Variants in B4GALT7 observed in about 807,000 individuals in gnomAD.
B4GALT7 encodes UDP-Gal:beta-GlcNAc beta-1,4-galactosyltransferase 7.
B4GALT7 carries 30 observed loss-of-function variants against 33.0 expected under a neutral mutation model. That is an observed-to-expected ratio of 0.91 (90% CI 0.68 to 1.23). B4GALT7 has a LOEUF of 1.23. Ranked by LOEUF, B4GALT7 falls within the 50% of genes most tolerant of loss-of-function variation. The pLI is 0.00. For synonymous variants in B4GALT7, 213 were observed against 187.2 expected, an observed-to-expected ratio of 1.14 and a Z score of -1.13; for missense variants, 507 against 450.8, an observed-to-expected ratio of 1.12 and a Z score of -1.13.
At position 177,606,879 on chromosome 5, in the gene B4GALT7, C is replaced by T; in HGVS notation, c.414-423C>T. The stretch of plus-strand genomic sequence containing the variant: ...CCCACTGCCCTGTGGGTCATCTCTT[C>T]AGGCCTTCAGGTTTCTGTCACTCAG... On this transcript the variant is annotated intron_variant, in intron 2 of 5. Coordinates refer to ENST00000029410, the MANE Select transcript of B4GALT7 (RefSeq NM_007255.3). This position sits in a 1 kb window ranked among gnomAD's most constrained non-coding sequence, Gnocchi z 4.2. The T allele has an allele frequency of 2.9e-6, 1 of 349,788 alleles. No homozygotes were observed. The highest frequency in any genetic ancestry group is 5.6e-6 in the Non-Finnish European group (1 of 177,588). The allele number at this position is 349,788 out of a possible 1,614,324, so 21.7% of individuals were successfully genotyped here. A position where few individuals can be genotyped will look rare whatever the true frequency, so the allele number is the denominator to read the frequency against.
At chr5:177,605,471 G>C (rs1472600888) in intron 2 of B4GALT7, among the ~76,000 whole-genome samples, 2 of 152,144 alleles carry the variant, frequency 1.3e-5, no homozygotes, top group Non-Finnish European at 2.9e-5. Flanking sequence ...TTCATCCCTC[G>C]TCCTCACTCA....
rs1768030718 is a variant in B4GALT7 at position 177,606,907 on chromosome 5, C to T, written c.414-395C>T. 8 of 360,416 alleles carry T rather than the reference C, an allele frequency of 2.2e-5. No homozygotes were observed. The highest frequency in any genetic ancestry group is 1.7e-4 in the South Asian group (8 of 45,938). 22.3% of individuals were successfully genotyped at this position (360,416 alleles called of 1,614,324 possible). A position where few individuals can be genotyped will look rare whatever the true frequency, so the allele number is the denominator to read the frequency against. On this transcript the variant is annotated intron_variant, in intron 2 of 5. Transcript: ENST00000029410. The surrounding 1 kb of genome is among the most constrained non-coding windows in gnomAD (Gnocchi z 4.2). The stretch of plus-strand genomic sequence containing the variant: ...GCCTTCAGGTTTCTGTCACTCAGTT[C>T]CCCTGGCCCTCCCTGACGGCCCCAC...
At position 177,610,057 on chromosome 5, in the gene B4GALT7, C is replaced by A; in HGVS notation, c.*362C>A. 1 of 343,688 alleles carries A rather than the reference C, an allele frequency of 2.9e-6. No homozygotes were observed. Among genetic ancestry groups the A allele is most frequent in the Non-Finnish European group, 5.7e-6 (1 of 175,364 alleles). The allele number at this position is 343,688 out of a possible 1,614,324, so 21.3% of individuals were successfully genotyped here. A position where few individuals can be genotyped will look rare whatever the true frequency, so the allele number is the denominator to read the frequency against. On this transcript the variant is annotated 3_prime_UTR_variant, in exon 6 of 6. Coordinates refer to ENST00000029410, the MANE Select transcript of B4GALT7 (RefSeq NM_007255.3). ...TCACCCCCACTTTTGTTCCTTCCTG[C>A]TGGGCTGCCTCGTGCAGAGACACAG...
chr5:177,607,763 G>C, intron 3 of B4GALT7: 1 of 581,044 alleles, frequency 1.7e-6, no homozygotes, highest in South Asian at 2.0e-5. Flanking sequence ...TAACACTGAA[G>C]AGTGTAGGGG....
At position 177,604,302 on chromosome 5, in the gene B4GALT7, C is replaced by G. The variant is rs2127511511; in HGVS notation, c.174C>G (p.Ala58=). ...AGCTCAGCTGCTCTGGGGACGTGGCCCGGGCAGTCAGGGGACAAGGGCAGG... is the reference window on the plus strand; with the variant it reads ...AGCTCAGCTGCTCTGGGGACGTGGCGCGGGCAGTCAGGGGACAAGGGCAGG... ...WLQLSCSGDV[A]RAVRGQGQET... The change falls in exon 2 of 6, where the codon GCC becomes GCG. Residue 58 remains alanine, a synonymous_variant. Transcript: ENST00000029410. 3.7e-6 allele frequency: 6 copies of G among 1,611,586 alleles called. No individual in the cohort carries two copies. Among genetic ancestry groups the G allele is most frequent in the Non-Finnish European group, 5.1e-6 (6 of 1,178,890 alleles).
rs1330800690 is a variant in B4GALT7, at chr5:177,609,131, AG to A, written c.828+119del. 6 of 968,244 alleles carry A rather than the reference AG, an allele frequency of 6.2e-6. No individual in the cohort carries two copies. In the African/African-American group the frequency reaches 6.5e-5, roughly 10 times the overall value. The allele number at this position is 968,244 out of a possible 1,614,324, so 60.0% of individuals were successfully genotyped here. A position where few individuals can be genotyped will look rare whatever the true frequency, so the allele number is the denominator to read the frequency against. ...GGTCCCATCCTCCCCTGCTTGGCCC[AG>A]GTCAGTCGACGGGCATTCTGCTTGG... On this transcript the variant is annotated intron_variant, in intron 5 of 5. Coordinates refer to ENST00000029410, the MANE Select transcript of B4GALT7 (RefSeq NM_007255.3).
intron 2 of B4GALT7, 84 bp from the exon 3 acceptor site, chr5:177,607,218 A>G (rs1442348462): frequency 1.6e-6 from 2 of 1,236,978 alleles, no homozygotes; most frequent in Non-Finnish European, 2.3e-6. Flanking sequence ...CAGCATAGGC[A>G]CCATGGGGAC....
rs769848807 is a variant in B4GALT7 at position 177,604,371 on chromosome 5, T to C, written c.243T>C (p.Pro81=). 6.2e-7 allele frequency: 1 copy of C among 1,612,802 alleles called. No homozygotes were observed. The highest frequency in any genetic ancestry group is 8.5e-7 in the Non-Finnish European group (1 of 1,179,366). Residue 81 remains proline (P), a synonymous_variant, in exon 2 of 6, where the codon CCT becomes CCC. Coordinates refer to ENST00000029410, the MANE Select transcript of B4GALT7 (RefSeq NM_007255.3). Reference sequence around the variant, plus strand: ...GTGCCTGCCCCCCAGAGCCGCCCCCTGAGCACTGGGAAGAAGACGCATCCT... The same window carrying C: ...GTGCCTGCCCCCCAGAGCCGCCCCCCGAGCACTGGGAAGAAGACGCATCCT... ...PPRACPPEPP[P]EHWEEDASWG...
At chr5:177,602,964 C>T (rs1444770250) in intron 1 of B4GALT7, 1 of 530,712 alleles carries the variant, frequency 1.9e-6, no homozygotes, top group Non-Finnish European at 2.4e-6. Flanking sequence ...CTCACTGCAA[C>T]CTCCGCCTCC....
chr5:177,608,497 C>A lies in B4GALT7; in HGVS notation c.640-42C>A, dbSNP rs372307412. The stretch of plus-strand genomic sequence containing the variant: ...GGTAGGAGACCAAAGGCCCCCCCCC[C>A]CGGGAAGATGGGCCGAGTGACGCTG... On this transcript the variant is annotated intron_variant, in intron 3 of 5. Transcript: ENST00000029410. The surrounding 1 kb of genome is among the most constrained non-coding windows in gnomAD (Gnocchi z 4.1). 1.3e-4 allele frequency: 207 copies of A among 1,567,392 alleles called. No individual in the cohort carries two copies. The highest frequency in any genetic ancestry group is 1.3e-3 in the East Asian group (57 of 44,128).
In B4GALT7 at chr5:177,600,333, G is replaced by A; in HGVS notation, c.50+73G>A. 8.4e-7 allele frequency: 1 copy of A among 1,187,154 alleles called. No homozygotes were observed. The highest frequency in any genetic ancestry group is 1.1e-6 in the Non-Finnish European group (1 of 936,054). 73.5% of individuals were successfully genotyped at this position (1,187,154 alleles called of 1,614,324 possible). A position where few individuals can be genotyped will look rare whatever the true frequency, so the allele number is the denominator to read the frequency against. On this transcript the variant is annotated intron_variant, in intron 1 of 5. Transcript: ENST00000029410. This position sits in a 1 kb window ranked among gnomAD's most constrained non-coding sequence, Gnocchi z 4.4. The stretch of plus-strand genomic sequence containing the variant: ...CCTTCTCGGCCGCCGGCGGAATCTG[G>A]GAACCCGAGGCCATCACGTCTCCAT...
At chr5:177,601,694 T>C (rs376248377) in intron 1 of B4GALT7, among the ~76,000 whole-genome samples, 1 of 152,218 alleles carries the variant, frequency 6.6e-6, no homozygotes, top group East Asian at 1.9e-4. Flanking sequence ...TTTACTAGTC[T>C]TGGGCAGTGA....
At chr5:177,603,764 G>C (rs75412941) in intron 1 of B4GALT7, among the ~76,000 whole-genome samples, 1 of 152,240 alleles carries the variant, frequency 6.6e-6, no homozygotes, top group African/African-American at 2.4e-5. Context: ...GAAAGCAGTG[G>C]GTTGCATCTC....
intron 3 of B4GALT7, 32 bp downstream of exon 3, chr5:177,607,559 C>A (rs1271185042): frequency 6.3e-7 from 1 of 1,589,372 alleles, no homozygotes. Context: ...CTGCTCAGAG[C>A]CGGGAGCTCC....
Position 177,609,851 on chromosome 5 carries a change from C to T in B4GALT7, c.*156C>T. 9.7e-7 allele frequency: 1 copy of T among 1,035,410 alleles called. No homozygotes were observed. The highest frequency in any genetic ancestry group is 1.4e-6 in the Non-Finnish European group (1 of 706,332). The allele number at this position is 1,035,410 out of a possible 1,614,324, so 64.1% of individuals were successfully genotyped here. ...GCAGCCACCCGGCCGCCAAGGCAGG[C>T]TTGGGCTGGGCCAGGACACGTGGGG... On this transcript the variant is annotated 3_prime_UTR_variant, in exon 6 of 6. Transcript: ENST00000029410.
In B4GALT7 at chr5:177,608,891, C is replaced by A; in HGVS notation, c.724-19C>A. 6.2e-7 allele frequency: 1 copy of A among 1,608,176 alleles called. No individual in the cohort carries two copies. The highest frequency in any genetic ancestry group is 8.5e-7 in the Non-Finnish European group (1 of 1,175,372). ...TCCAGGAAGGGCAGCCTGACCCCGA[C>A]TTCCTTGGACCTCCCTAGCTTTTCC... On this transcript the variant is annotated intron_variant, in intron 4 of 5. Transcript: ENST00000029410. The surrounding 1 kb of genome is among the most constrained non-coding windows in gnomAD (Gnocchi z 4.1).
At chr5:177,604,809 A>G (rs1185612836) in intron 2 of B4GALT7, among the ~76,000 whole-genome samples, 1 of 152,116 alleles carries the variant, frequency 6.6e-6, no homozygotes, top group African/African-American at 2.4e-5. Flanking sequence ...GTCTGCGGTG[A>G]CAGTGGCTTG....
rs1767820052 is a variant in B4GALT7, at chr5:177,600,607, C to T, written c.50+347C>T. Among the ~76,000 whole-genome samples the T allele has an allele frequency of 6.6e-6, 1 of 152,120 alleles. No homozygotes were observed. Among genetic ancestry groups the T allele is most frequent in the Non-Finnish European group, 1.5e-5 (1 of 68,010 alleles). ...GTGTTTCGTTGTGTCTGTGTTTCTC[C>T]ACCAGCCTCCCTCTATCTGCATGCG... On this transcript the variant is annotated intron_variant, in intron 1 of 5. Coordinates refer to ENST00000029410, the MANE Select transcript of B4GALT7 (RefSeq NM_007255.3). The surrounding 1 kb of genome is among the most constrained non-coding windows in gnomAD (Gnocchi z 4.4).
Position 177,606,718 on chromosome 5 carries a change from T to C in B4GALT7, c.414-584T>C, listed in dbSNP as rs944933312. 3 of 209,200 alleles carry C rather than the reference T, an allele frequency of 1.4e-5. No homozygotes were observed. The highest frequency in any genetic ancestry group is 2.9e-5 in the Non-Finnish European group (3 of 101,946). The allele number at this position is 209,200 out of a possible 1,614,324, so 13.0% of individuals were successfully genotyped here. A position where few individuals can be genotyped will look rare whatever the true frequency, so the allele number is the denominator to read the frequency against. On this transcript the variant is annotated intron_variant, in intron 2 of 5. Transcript: ENST00000029410. This position sits in a 1 kb window ranked among gnomAD's most constrained non-coding sequence, Gnocchi z 4.2. ...CCCGAGTCAAAGCCCCGTCCTTCAG[T>C]GGCCCTTGGGCCTTGTGCAGTCACT...
Sources: allele counts gnomAD v4.1 joint callset (sites outside exome capture counted in the v4.1 genomes callset), GRCh38; gene constraint gnomAD v4.1.1; non-coding constraint Gnocchi (gnomAD v3.1); transcripts MANE v1.5; gene names NCBI Gene and HGNC (gene_info 2026-07-23, HGNC 2026-07-21).